FANCL: variants seen among roughly 807,000 people sequenced by gnomAD.
FANCL encodes E3 ubiquitin-protein ligase FANCL.
FANCL carries 69 observed loss-of-function variants against 59.4 expected under a neutral mutation model. That is an observed-to-expected ratio of 1.16 (90% confidence interval 0.96 to 1.42). The LOEUF (loss-of-function observed/expected upper bound fraction) is 1.42. Among genes scored for constraint, FANCL ranks in the 40% most tolerant of loss-of-function variants. FANCL has a pLI of 0.00. For synonymous variants in FANCL, 180 were observed against 147.1 expected, an observed-to-expected ratio of 1.22 and a Z score of -1.62; for missense variants, 519 against 447.2, an observed-to-expected ratio of 1.16 and a Z score of -1.45.
At chr2:58,192,368 A>G (rs1022468653) in intron 7 of FANCL, among the ~76,000 whole-genome samples, 1 of 151,964 alleles carries the variant, frequency 6.6e-6, no homozygotes, top group African/African-American at 2.4e-5. Context: ...CATAAAACAC[A>G]TTTACTTAAG....
chr2:58,240,627 A>G (rs1311291467), intron 1 of FANCL, among the ~76,000 whole-genome samples: 1 of 152,004 alleles, frequency 6.6e-6, no homozygotes, highest in Non-Finnish European at 1.5e-5. Flanking sequence ...AACCCTACAC[A>G]TGTGTTAGTA....
intron 7 of FANCL, among the ~76,000 whole-genome samples, chr2:58,173,145 C>A (rs903323998): frequency 6.6e-6 from 1 of 152,118 alleles, no homozygotes; most frequent in Non-Finnish European, 1.5e-5. Flanking sequence ...TGTGAAAAGA[C>A]CAAACCTACG....
chr2:58,170,704 A>G (rs573183541), intron 7 of FANCL, among the ~76,000 whole-genome samples: 1 of 152,236 alleles, frequency 6.6e-6, no homozygotes, highest in East Asian at 1.9e-4. Context: ...CAAAAAAAAA[A>G]AAAAGCATGG....
intron 5 of FANCL, among the ~76,000 whole-genome samples, chr2:58,208,253 AAGG>A (rs1338410062): frequency 6.6e-6 from 1 of 152,204 alleles, no homozygotes; most frequent in Non-Finnish European, 1.5e-5. Flanking sequence ...TTGTATTTAG[AAGG>A]AGTTTAGATA....
At chr2:58,199,059 T>A (rs1573677075) in intron 6 of FANCL, among the ~76,000 whole-genome samples, 1 of 150,668 alleles carries the variant, frequency 6.6e-6, no homozygotes, top group Non-Finnish European at 1.5e-5. Flanking sequence ...AAACGAGATA[T>A]ATTGGGGGAA....
chr2:58,215,086 T>C (rs1424800728), intron 5 of FANCL, among the ~76,000 whole-genome samples: 2 of 152,198 alleles, frequency 1.3e-5, no homozygotes, highest in Non-Finnish European at 2.9e-5. Flanking sequence ...AACTATGCTC[T>C]AAAAAACAAA....
At chr2:58,163,853 T>G (rs1685580678) in intron 8 of FANCL, among the ~76,000 whole-genome samples, 1 of 151,962 alleles carries the variant, frequency 6.6e-6, no homozygotes, top group South Asian at 2.1e-4. Context: ...AGTCACATGT[T>G]TAAGAAATAA....
At chr2:58,169,307 G>A (rs57267169) in intron 7 of FANCL, among the ~76,000 whole-genome samples, 20,871 of 152,136 alleles carry the variant, frequency 0.14, 1,702 homozygotes, top group African/African-American at 0.22. Flanking sequence ...CAGACCTGCA[G>A]CAGAGGGGTC....
chr2:58,228,829 C>T (rs112072929), intron 3 of FANCL, among the ~76,000 whole-genome samples: 2 of 152,228 alleles, frequency 1.3e-5, no homozygotes, highest in African/African-American at 4.8e-5. Flanking sequence ...CTCTTGATAA[C>T]TTGCTGGTGA....
At chr2:58,235,892 C>T (rs1473213490) in intron 1 of FANCL, among the ~76,000 whole-genome samples, 2 of 151,076 alleles carry the variant, frequency 1.3e-5, no homozygotes, top group African/African-American at 4.9e-5. Flanking sequence ...TTCCACCTTA[C>T]AAAAGAAGGT....
chr2:58,205,924 A>G (rs1690540110), intron 5 of FANCL, among the ~76,000 whole-genome samples: 1 of 152,140 alleles, frequency 6.6e-6, no homozygotes, highest in Admixed American at 6.5e-5. Context: ...CTAACTTTTC[A>G]GTTAAAAATA....
intron 3 of FANCL, among the ~76,000 whole-genome samples, chr2:58,228,261 G>C (rs893845914): frequency 6.6e-6 from 1 of 152,102 alleles, no homozygotes; most frequent in Non-Finnish European, 1.5e-5. Context: ...CCATTTCCTA[G>C]AAATCCTTCA....
At chr2:58,186,047 T>TG (rs1364353022) in intron 7 of FANCL, among the ~76,000 whole-genome samples, 2 of 152,144 alleles carry the variant, frequency 1.3e-5, no homozygotes, top group East Asian at 3.9e-4. Flanking sequence ...AGAAAATTTT[T>TG]CAAATAGTGA....
At chr2:58,208,203 TAA>T (rs1690782660) in intron 5 of FANCL, among the ~76,000 whole-genome samples, 2 of 152,282 alleles carry the variant, frequency 1.3e-5, no homozygotes, top group African/African-American at 4.8e-5. Context: ...AATTTTTAAA[TAA>T]AATGCTAGCA....
chr2:58,235,717 A>G (rs1208413792), intron 1 of FANCL, among the ~76,000 whole-genome samples: 4 of 152,146 alleles, frequency 2.6e-5, no homozygotes, highest in Non-Finnish European at 4.4e-5. Flanking sequence ...CACAGATGAT[A>G]AACCTGATTT....
chr2:58,184,512 A>C (rs1383197615), intron 7 of FANCL, among the ~76,000 whole-genome samples: 1 of 152,110 alleles, frequency 6.6e-6, no homozygotes. Context: ...AATTACAACC[A>C]GAACTTTGCA....
At chr2:58,211,033 CCT>C (rs757507955) in intron 5 of FANCL, among the ~76,000 whole-genome samples, 1 of 152,078 alleles carries the variant, frequency 6.6e-6, no homozygotes, top group African/African-American at 2.4e-5. Flanking sequence ...AGATGGTGGC[CCT>C]CTTCTCACAG....
Position 58,222,056 on chromosome 2 carries a change from G to A in FANCL, c.274-14C>T, listed in dbSNP as rs1253573126. ...TAAGGCAACTTCCTGTTTAAAAGAA[G>A]AAAACCTGAATTAGCTGTGGAACGC... On this transcript the variant is annotated splice_polypyrimidine_tract_variant and intron_variant, in intron 4 of 13. Coordinates refer to ENST00000233741, the MANE Select transcript of FANCL (RefSeq NM_018062.4). 1 of 1,579,294 alleles carries A rather than the reference G, an allele frequency of 6.3e-7. No homozygotes were observed. Among genetic ancestry groups the A allele is most frequent in the East Asian group, 2.2e-5 (1 of 44,586 alleles).
rs1684876425 is a variant in FANCL, at chr2:58,160,035, A to G, written c.1092+73T>C. ...AGTTTTAGATAAACTGATATACTAT[A>G]TAGATCTATCTTCTAGAACATATTA... On this transcript the variant is annotated intron_variant, in intron 13 of 13. Transcript: ENST00000233741. 4 of 1,602,760 alleles carry G rather than the reference A, an allele frequency of 2.5e-6. No individual in the cohort carries two copies. In the South Asian group the frequency reaches 4.4e-5, roughly 18 times the overall value.
Sources: allele counts gnomAD v4.1 joint callset (sites outside exome capture counted in the v4.1 genomes callset), GRCh38; gene constraint gnomAD v4.1.1; transcripts MANE v1.5; gene names NCBI Gene and HGNC (gene_info 2026-07-23, HGNC 2026-07-21).